LUZP2: variants seen among roughly 807,000 people sequenced by gnomAD.
The protein encoded by LUZP2 is leucine zipper protein 2.
Under a neutral mutation model 51.6 loss-of-function variants are expected in LUZP2, and 52 were observed. The observed-to-expected ratio is 1.01, with a 90% CI of 0.81 to 1.27. LUZP2 has a LOEUF of 1.27. LUZP2 is among the 50% of genes most tolerant of loss of function. The pLI, the probability that LUZP2 is intolerant of heterozygous loss-of-function variation, is 0.00. For synonymous variants in LUZP2, 154 were observed against 137.3 expected (o/e 1.12, Z -0.85); for missense variants, 436 against 395.4 (o/e 1.10, Z -0.87).
At chr11:24,619,370 C>T (rs1465970626) in intron 1 of LUZP2, among the ~76,000 whole-genome samples, 2 of 152,096 alleles carry the variant, frequency 1.3e-5, no homozygotes, top group Non-Finnish European at 2.9e-5. Context: ...CTTTTACATA[C>T]ATTTGTAGCA....
chr11:24,967,943 G>T (rs1047646126), intron 7 of LUZP2, among the ~76,000 whole-genome samples: 4 of 151,988 alleles, frequency 2.6e-5, no homozygotes, highest in South Asian at 2.1e-4. Flanking sequence ...TGGAGATTGT[G>T]GTTGATATAT....
intron 5 of LUZP2, among the ~76,000 whole-genome samples, chr11:24,788,349 C>T (rs1012095175): frequency 3.3e-5 from 5 of 151,832 alleles, no homozygotes; most frequent in African/African-American, 1.2e-4. Flanking sequence ...ACCACCATAC[C>T]CAGCTAATTT....
At chr11:24,841,650 G>C (rs1436386151) in intron 5 of LUZP2, among the ~76,000 whole-genome samples, 2 of 150,702 alleles carry the variant, frequency 1.3e-5, no homozygotes, top group African/African-American at 4.9e-5. Context: ...AATTCCAAAG[G>C]GCAAACAAAT....
intron 1 of LUZP2, among the ~76,000 whole-genome samples, chr11:24,534,544 G>T (rs1851111492): frequency 6.6e-6 from 1 of 151,078 alleles, no homozygotes; most frequent in African/African-American, 2.4e-5. Flanking sequence ...TATATAGAAA[G>T]CATATTTATA....
Position 25,044,862 on chromosome 11 carries a change from C to T in LUZP2, c.766-5176C>T, listed in dbSNP as rs904347782. 3.9e-5 allele frequency among the ~76,000 whole-genome samples: 6 copies of T among 151,940 alleles called. No homozygotes were observed. In the East Asian group the frequency reaches 7.8e-4, roughly 20 times the overall value. The stretch of plus-strand genomic sequence containing the variant: ...AAGAAAATGTGGCACATATACACCA[C>T]GGAATACTATGCAGCCATGAAAAAT... On this transcript the variant is annotated intron_variant, in intron 9 of 11. Coordinates refer to ENST00000336930, the MANE Select transcript of LUZP2 (RefSeq NM_001009909.4).
At chr11:24,923,124 C>T (rs1342610412) in intron 7 of LUZP2, among the ~76,000 whole-genome samples, 3 of 151,398 alleles carry the variant, frequency 2.0e-5, no homozygotes, top group Non-Finnish European at 2.9e-5. Context: ...CTGGGATGAC[C>T]GGCGTGAGCC....
intron 10 of LUZP2, among the ~76,000 whole-genome samples, chr11:25,057,968 T>C (rs550075280): frequency 6.6e-6 from 1 of 152,220 alleles, no homozygotes; most frequent in South Asian, 2.1e-4. Flanking sequence ...CCAACATGCA[T>C]TTTGTGGCAT....
intron 5 of LUZP2, among the ~76,000 whole-genome samples, chr11:24,806,204 G>C (rs972246051): frequency 1.3e-5 from 2 of 152,172 alleles, no homozygotes; most frequent in African/African-American, 2.4e-5. Context: ...TAGCTTCAGG[G>C]TAGGAACATA....
At chr11:24,603,305 C>A (rs1395513116) in intron 1 of LUZP2, among the ~76,000 whole-genome samples, 1 of 151,830 alleles carries the variant, frequency 6.6e-6, no homozygotes, top group South Asian at 2.1e-4. Context: ...TCTGAGTGAC[C>A]CAAAAAGGCT....
rs71447404 is a variant in LUZP2 at position 24,898,628 on chromosome 11, GAA to G, written c.397-7351_397-7350del. 9.4e-3 allele frequency among the ~76,000 whole-genome samples: 1,362 copies of G among 145,664 alleles called. 15 individuals are homozygous for G. The highest frequency in any genetic ancestry group is 0.056 in the East Asian group (280 of 4,956). On this transcript the variant is annotated intron_variant, in intron 5 of 11. Transcript: ENST00000336930. ...ACAGAGCAAGACTCTGTGTCAGGAAGAAAAAAAAAAAAACAAGAGTTTAAAAC... is the reference window on the plus strand; with the variant it reads ...ACAGAGCAAGACTCTGTGTCAGGAAGAAAAAAAAAAACAAGAGTTTAAAAC...
chr11:24,976,336 G>C (rs1855879677), intron 7 of LUZP2, among the ~76,000 whole-genome samples: 1 of 151,850 alleles, frequency 6.6e-6, no homozygotes, highest in African/African-American at 2.4e-5. Context: ...CTTGAAATTA[G>C]ATGTTTTGGT....
intron 1 of LUZP2, among the ~76,000 whole-genome samples, chr11:24,612,911 T>C (rs1854167212): frequency 6.6e-6 from 1 of 152,116 alleles, no homozygotes; most frequent in African/African-American, 2.4e-5. Flanking sequence ...TTGAAGTTCT[T>C]TCACTTGCTC....
intron 1 of LUZP2, among the ~76,000 whole-genome samples, chr11:24,580,573 A>G (rs1391576124): frequency 6.6e-6 from 1 of 152,152 alleles, no homozygotes; most frequent in Non-Finnish European, 1.5e-5. Flanking sequence ...GGAGTCTCAC[A>G]TTGAAAAAAG....
At chr11:25,026,711 C>T (rs555060243) in intron 9 of LUZP2, among the ~76,000 whole-genome samples, 1 of 151,960 alleles carries the variant, frequency 6.6e-6, no homozygotes, top group Non-Finnish European at 1.5e-5. Flanking sequence ...TGCTATGATA[C>T]AGTGTACACA....
intron 1 of LUZP2, among the ~76,000 whole-genome samples, chr11:24,527,800 G>C (rs1354085821): frequency 6.6e-6 from 1 of 151,342 alleles, no homozygotes; most frequent in African/African-American, 2.4e-5. Flanking sequence ...CTTTGCAAAT[G>C]CTTTACTCTC....
intron 9 of LUZP2, among the ~76,000 whole-genome samples, chr11:25,021,078 G>T (rs566158809): frequency 1.1e-4 from 17 of 152,154 alleles, no homozygotes; most frequent in Middle Eastern, 3.4e-3. Flanking sequence ...GCTCTTCTTA[G>T]TTGGGGCTTA....
intron 1 of LUZP2, among the ~76,000 whole-genome samples, chr11:24,568,572 A>T (rs1354897098): frequency 6.6e-6 from 1 of 151,996 alleles, no homozygotes. Flanking sequence ...AGAACTTTAC[A>T]GTTTAGAAAT....
chr11:24,870,357 C>G (rs916919846), intron 5 of LUZP2, among the ~76,000 whole-genome samples: 1 of 151,988 alleles, frequency 6.6e-6, no homozygotes, highest in Non-Finnish European at 1.5e-5. Context: ...CAATGTAATC[C>G]TAAGTATTGT....
chr11:24,716,276 T>C (rs1858038525), intron 1 of LUZP2, among the ~76,000 whole-genome samples: 1 of 152,214 alleles, frequency 6.6e-6, no homozygotes, highest in South Asian at 2.1e-4. Flanking sequence ...GTCATGGCAC[T>C]ACTCCAGAGC....
Sources: gnomAD v4.1 joint callset for allele counts (sites outside exome capture counted in the v4.1 genomes callset) on GRCh38, gnomAD v4.1.1 for gene constraint, MANE v1.5 for transcripts, NCBI Gene and HGNC (gene_info 2026-07-23, HGNC 2026-07-21) for gene names.